The following MYO9A variants were observed in gnomAD, a reference collection of about 807,000 sequenced individuals.
MYO9A encodes unconventional myosin-IXa.
In MYO9A, 103 loss-of-function variants were observed where a neutral mutation model predicts 293.3. That is an observed-to-expected ratio of 0.35 (90% CI 0.30 to 0.41). The LOEUF (loss-of-function observed/expected upper bound fraction) is 0.41. Ranked by LOEUF, MYO9A falls within the 10% of genes least tolerant of loss-of-function variation. MYO9A has a pLI of 1.00. For synonymous variants in MYO9A, 1,001 were observed against 1,035.7 expected (o/e 0.97, Z 0.64); for missense variants, 2,685 against 3,033.0 (o/e 0.89, Z 2.69).
At chr15:71,890,682 A>G (rs1308764513) in intron 26 of MYO9A, 1 of 152,138 alleles carries the variant, frequency 6.6e-6, no homozygotes, top group Non-Finnish European at 1.5e-5. Context: ...AAACTACTAC[A>G]CTTGTTTCCC....
intron 33 of MYO9A, among the ~76,000 whole-genome samples, chr15:71,861,105 C>G (rs937396477): frequency 2.0e-5 from 3 of 150,876 alleles, no homozygotes; most frequent in Non-Finnish European, 4.4e-5. Context: ...GGGTCAAATA[C>G]ATTACAAACT....
intron 39 of MYO9A, chr15:71,847,392 C>A: frequency 2.2e-6 from 1 of 446,504 alleles, no homozygotes; most frequent in Non-Finnish European, 4.6e-6. Context: ...GTGGCTGTGA[C>A]ACATTGCATT....
intron 1 of MYO9A, among the ~76,000 whole-genome samples, chr15:72,092,940 C>CAT (rs1347242852): frequency 6.6e-6 from 1 of 151,674 alleles, no homozygotes; most frequent in African/African-American, 2.4e-5. Context: ...CACACACACA[C>CAT]ACAGAGATTT....
chr15:72,050,972 CT>C (rs1468412835), intron 1 of MYO9A, among the ~76,000 whole-genome samples: 1 of 152,202 alleles, frequency 6.6e-6, no homozygotes, highest in Admixed American at 6.5e-5. Flanking sequence ...TTCTTGTAGT[CT>C]TCCTGATAGT....
chr15:72,035,424 G>A (rs1430482542), intron 2 of MYO9A, among the ~76,000 whole-genome samples: 2 of 152,010 alleles, frequency 1.3e-5, no homozygotes, highest in African/African-American at 4.8e-5. Context: ...CTAAATAATG[G>A]AATACTACTC....
chr15:72,010,718 A>G (rs2077147514), intron 6 of MYO9A, among the ~76,000 whole-genome samples: 1 of 152,210 alleles, frequency 6.6e-6, no homozygotes, highest in Non-Finnish European at 1.5e-5. Flanking sequence ...AACTTAAGAT[A>G]AAGAGTTAGC....
chr15:71,849,103 A>T (rs2055519316), intron 38 of MYO9A, 135 bp from the exon 39 acceptor site: 2 of 883,384 alleles, frequency 2.3e-6, no homozygotes, highest in Non-Finnish European at 3.2e-6. Flanking sequence ...AAACTCAGAG[A>T]CAAGGTTTAG....
chr15:72,010,335 A>G lies in MYO9A; in HGVS notation c.1253+15T>C, dbSNP rs369643437. ...TTCTCTATTAGAGATATAAAAATACAACAAGTAAACTCACTGTCTTCGTGT... is the reference window on the plus strand; with the variant it reads ...TTCTCTATTAGAGATATAAAAATACGACAAGTAAACTCACTGTCTTCGTGT... On this transcript the variant is annotated intron_variant, in intron 7 of 41. Coordinates refer to ENST00000356056, the MANE Select transcript of MYO9A (RefSeq NM_006901.4). 3 of 1,605,664 alleles carry G rather than the reference A, an allele frequency of 1.9e-6. No homozygotes were observed. The highest frequency in any genetic ancestry group is 2.2e-5 in the East Asian group (1 of 44,800).
chr15:72,027,712 C>T lies in MYO9A; in HGVS notation c.998+19G>A, dbSNP rs773643671. On this transcript the variant is annotated intron_variant, in intron 4 of 41. Transcript: ENST00000356056. ...TACAAATGTTAACTTCATCTAATTA[C>T]ACAAATAAAAATACGTACCGTTCAT... 6.3e-7 allele frequency: 1 copy of T among 1,578,942 alleles called. No homozygotes were observed. The highest frequency in any genetic ancestry group is 8.6e-7 in the Non-Finnish European group (1 of 1,158,928).
At chr15:72,054,900 A>C (rs933296437) in intron 1 of MYO9A, among the ~76,000 whole-genome samples, 1 of 150,958 alleles carries the variant, frequency 6.6e-6, no homozygotes, top group African/African-American at 2.4e-5. Flanking sequence ...CTCAGAAAGG[A>C]AAAAAAAAGG....
chr15:71,841,008 GT>G (rs2055139255), intron 39 of MYO9A, among the ~76,000 whole-genome samples: 1 of 152,094 alleles, frequency 6.6e-6, no homozygotes. Context: ...TGTTTAAAGT[GT>G]GTGTGTGTAC....
At chr15:72,043,199 A>G (rs1478083970) in intron 2 of MYO9A, among the ~76,000 whole-genome samples, 1 of 152,214 alleles carries the variant, frequency 6.6e-6, no homozygotes, top group African/African-American at 2.4e-5. Flanking sequence ...AAATTGTAGA[A>G]CACCATTTAT....
At chr15:72,079,810 T>C (rs566238514) in intron 1 of MYO9A, among the ~76,000 whole-genome samples, 1 of 152,338 alleles carries the variant, frequency 6.6e-6, no homozygotes, top group African/African-American at 2.4e-5. Context: ...TGAAGAGGAA[T>C]TTCAAAATGT....
chr15:72,108,502 G>C (rs1011336324), intron 1 of MYO9A, among the ~76,000 whole-genome samples: 9 of 152,220 alleles, frequency 5.9e-5, no homozygotes, highest in African/African-American at 1.9e-4. Context: ...ATGTCACAGG[G>C]AAGAGAAATG....
chr15:72,103,638 C>G (rs2080469408), intron 1 of MYO9A, among the ~76,000 whole-genome samples: 1 of 12,212 alleles, frequency 8.2e-5, no homozygotes. Flanking sequence ...GAAGAAGAAA[C>G]AGAAGAAGCA....
At chr15:71,845,343 T>G (rs976980074) in intron 39 of MYO9A, among the ~76,000 whole-genome samples, 1 of 148,214 alleles carries the variant, frequency 6.7e-6, no homozygotes, top group East Asian at 1.9e-4. Context: ...ATCTTGCATA[T>G]GAAAAGGAAT....
chr15:72,014,868 G>A (rs2077285297), intron 6 of MYO9A, among the ~76,000 whole-genome samples: 2 of 152,004 alleles, frequency 1.3e-5, no homozygotes, highest in Non-Finnish European at 2.9e-5. Flanking sequence ...TTTGAGACAG[G>A]GTTTCACTCT....
intron 1 of MYO9A, among the ~76,000 whole-genome samples, chr15:72,117,468 C>T (rs548845750): frequency 6.6e-6 from 1 of 152,200 alleles, no homozygotes; most frequent in East Asian, 1.9e-4. Flanking sequence ...GGCTGGAGGG[C>T]CGGAATGGTG....
intron 1 of MYO9A, among the ~76,000 whole-genome samples, chr15:72,113,741 C>T (rs2080866192): frequency 6.6e-6 from 1 of 152,152 alleles, no homozygotes; most frequent in Non-Finnish European, 1.5e-5. Context: ...TACATACAAA[C>T]ACACAGCCAA....
Sources: allele counts gnomAD v4.1 joint callset (sites outside exome capture counted in the v4.1 genomes callset), GRCh38; gene constraint gnomAD v4.1.1; transcripts MANE v1.5; gene names NCBI Gene and HGNC (gene_info 2026-07-23, HGNC 2026-07-21).